CLN6: variants seen among roughly 807,000 people sequenced by gnomAD.
The protein encoded by CLN6 is CLN6 transmembrane ER protein, also known as ceroid-lipofuscinosis neuronal protein 6.
CLN6 carries 22 observed loss-of-function variants against 33.3 expected under a neutral mutation model. That is an observed-to-expected ratio of 0.66 (90% CI 0.47 to 0.94). The LOEUF (loss-of-function observed/expected upper bound fraction) is 0.94. Among genes scored for constraint, CLN6 ranks in the 40% least tolerant of loss-of-function variants. The pLI, the probability that CLN6 is intolerant of heterozygous loss-of-function variation, is 0.00. For synonymous variants in CLN6, 201 were observed against 174.6 expected, an observed-to-expected ratio of 1.15 and a Z score of -1.19; for missense variants, 387 against 417.1, an observed-to-expected ratio of 0.93 and a Z score of 0.63.
upstream of CLN6, among the ~76,000 whole-genome samples, chr15:68,232,022 T>A (rs1182053978): frequency 6.6e-6 from 1 of 152,148 alleles, no homozygotes; most frequent in Non-Finnish European, 1.5e-5. This position sits in a 1 kb window ranked among gnomAD's most constrained non-coding sequence, Gnocchi z 4.7. Context: ...TAGTCTCAGC[T>A]CTCTGAGCTG....
chr15:68,235,091 AC>A (rs1456319585), intron 1 of CLN6, among the ~76,000 whole-genome samples: 4 of 152,152 alleles, frequency 2.6e-5, no homozygotes, highest in South Asian at 4.1e-4. Context: ...TGTGTGCTAA[AC>A]CCTGATCTCA....
intron 1 of CLN6, among the ~76,000 whole-genome samples, chr15:68,224,459 T>C (rs1282203714): frequency 1.3e-5 from 2 of 150,900 alleles, no homozygotes; most frequent in African/African-American, 4.9e-5. Context: ...CCGTCTCTAC[T>C]AAAAATACAA....
Position 68,209,620 on chromosome 15 carries a change from T to A in CLN6, c.665+17A>T. On this transcript the variant is annotated intron_variant, in intron 6 of 6. Transcript: ENST00000249806. This position sits in a 1 kb window ranked among gnomAD's most constrained non-coding sequence, Gnocchi z 4.9. ...CTCAGTGCCCCTGCCTCTGCCCCCA[T>A]GCTGATGTCCACTCACCAGTAGTAC... 1 of 1,611,670 alleles carries A rather than the reference T, an allele frequency of 6.2e-7. No individual in the cohort carries two copies. The highest frequency in any genetic ancestry group is 8.5e-7 in the Non-Finnish European group (1 of 1,179,722).
chr15:68,229,949 T>C (rs2093265478), upstream of CLN6, among the ~76,000 whole-genome samples: 1 of 152,066 alleles, frequency 6.6e-6, no homozygotes, highest in Admixed American at 6.5e-5. Flanking sequence ...GGAATCTCTG[T>C]CTAGGGTGAC....
chr15:68,212,202 C>T, intron 3 of CLN6: 1 of 333,586 alleles, frequency 3.0e-6, no homozygotes, highest in South Asian at 3.3e-5. Context: ...CCCAGCCCTC[C>T]CACTGTCCCT....
In CLN6 at chr15:68,255,865, C is replaced by G. The variant is rs78803542; in HGVS notation, c.179+825G>C. 3.0e-3 allele frequency among the ~76,000 whole-genome samples: 451 copies of G among 152,282 alleles called. 4 individuals are homozygous for G. The highest frequency in any genetic ancestry group is 0.01 in the African/African-American group (435 of 41,556). ...CTGGAATGCAGTGTTGCAGTCACCA[C>G]TCACTGAAACCTCAACTTATCAGTT... On this transcript the variant is annotated intron_variant, in intron 1 of 6. Transcript: ENST00000538696.
chr15:68,229,793 G>GC (rs1567101852), upstream of CLN6: 65 of 349,842 alleles, frequency 1.9e-4, 2 homozygotes, highest in East Asian at 2.2e-3. Context: ...GCGGGGCGGA[G>GC]GGAGACGGGG....
At chr15:68,239,487 A>G (rs1892262854) in intron 1 of CLN6, among the ~76,000 whole-genome samples, 1 of 152,174 alleles carries the variant, frequency 6.6e-6, no homozygotes, top group African/African-American at 2.4e-5. Flanking sequence ...CTATATTGTC[A>G]TTTGACAAAA....
At position 68,211,659 on chromosome 15, in the gene CLN6, C is replaced by CA. The variant is rs1230644971; in HGVS notation, c.486+15dup. The CA allele has an allele frequency of 1.9e-6, 3 of 1,612,904 alleles. No individual in the cohort carries two copies. Among genetic ancestry groups the CA allele is most frequent in the Middle Eastern group, 1.6e-4 (1 of 6,062 alleles). On this transcript the variant is annotated intron_variant, in intron 4 of 6. Transcript: ENST00000249806. This position sits in a 1 kb window ranked among gnomAD's most constrained non-coding sequence, Gnocchi z 5.9. ...GCTCCTAGGGCTTACAGGCAGGGAG[C>CA]AGGAGGTGGCCTCACCAGCGTCTCC...
In CLN6 at chr15:68,256,614, C is replaced by T; in HGVS notation, c.179+76G>A. 3 of 586,362 alleles carry T rather than the reference C, an allele frequency of 5.1e-6. No individual in the cohort carries two copies. Among genetic ancestry groups the T allele is most frequent in the South Asian group, 4.3e-5 (2 of 46,890 alleles). 36.3% of individuals were successfully genotyped at this position (586,362 alleles called of 1,614,324 possible). ...GCTGGCTTCAGGGGTGTGGGCAGTG[C>T]AGTCGCACAGGGCCCCACGTTCAGA... On this transcript the variant is annotated intron_variant, in intron 1 of 6. Transcript: ENST00000538696. The surrounding 1 kb of genome is among the most constrained non-coding windows in gnomAD (Gnocchi z 4.1).
intron 1 of CLN6, among the ~76,000 whole-genome samples, chr15:68,245,584 C>CA (rs1892322620): frequency 9.7e-6 from 1 of 103,488 alleles, no homozygotes; most frequent in Admixed American, 9.5e-5. Context: ...CAAAACAAAA[C>CA]AAAAAACAAC....
In CLN6 at chr15:68,209,820, T is replaced by C. The variant is rs1284575305; in HGVS notation, c.543-61A>G. ...CAGCGGCCCTCTTCCCCACAACCTCTGCAACCACTCCCATGGGGTCTCATG... is the reference window on the plus strand; with the variant it reads ...CAGCGGCCCTCTTCCCCACAACCTCCGCAACCACTCCCATGGGGTCTCATG... On this transcript the variant is annotated intron_variant, in intron 5 of 6. Coordinates refer to ENST00000249806, the MANE Select transcript of CLN6 (RefSeq NM_017882.3). The surrounding 1 kb of genome is among the most constrained non-coding windows in gnomAD (Gnocchi z 4.9). The C allele has an allele frequency of 6.2e-7, 1 of 1,605,312 alleles. No individual in the cohort carries two copies. Among genetic ancestry groups the C allele is most frequent in the African/African-American group, 1.3e-5 (1 of 74,702 alleles).
At position 68,214,309 on chromosome 15, in the gene CLN6, G is replaced by A. The variant is rs150001589; in HGVS notation, c.278C>T (p.Thr93Met). 3.3e-5 allele frequency: 54 copies of A among 1,613,488 alleles called. No individual in the cohort carries two copies. Among genetic ancestry groups the A allele is most frequent in the Non-Finnish European group, 4.4e-5 (52 of 1,179,502 alleles). ...DYFHMAYNVI[T>M]PFLLLKLIER... The stretch of plus-strand genomic sequence containing the variant: ...CAGTACCTTGAGCAAGAGAAAGGGC[G>A]TGATGACGTTGTAGGCCATGTGGAA... The change falls in exon 3 of 7, where the codon ACG becomes ATG. Residue 93 changes from threonine (T) to methionine (M), a missense_variant. Transcript: ENST00000249806.
At chr15:68,233,161 C>CCCCTTGTCCTCACTT (rs1567102790), upstream of CLN6, among the ~76,000 whole-genome samples, 1 of 152,016 alleles carries the variant, frequency 6.6e-6, no homozygotes, top group Non-Finnish European at 1.5e-5. The surrounding 1 kb of genome is among the most constrained non-coding windows in gnomAD (Gnocchi z 4.3). Context: ...CTGTCTCACT[C>CCCCTTGTCCTCACTT]CCCCTTGTCC....
intron 1 of CLN6, among the ~76,000 whole-genome samples, chr15:68,248,680 C>G (rs1892349957): frequency 6.6e-6 from 1 of 151,346 alleles, no homozygotes; most frequent in South Asian, 2.1e-4. Context: ...AATCTAAGAC[C>G]TAAAACTACG....
At chr15:68,229,372 G>T in intron 1 of CLN6, 130 bp downstream of exon 1, 1 of 624,720 alleles carries the variant, frequency 1.6e-6, no homozygotes, top group Non-Finnish European at 2.4e-6. Context: ...AGCCCCCCGC[G>T]CTCCGCTCCG....
intron 2 of CLN6, among the ~76,000 whole-genome samples, chr15:68,217,421 G>A (rs2093223527): frequency 6.6e-6 from 1 of 152,000 alleles, no homozygotes; most frequent in African/African-American, 2.4e-5. Flanking sequence ...ATAGAGACAG[G>A]GTCTCATTAT....
chr15:68,225,032 G>A (rs2093248096), intron 1 of CLN6, among the ~76,000 whole-genome samples: 1 of 152,016 alleles, frequency 6.6e-6, no homozygotes, highest in Middle Eastern at 3.4e-3. Context: ...AAAAGGAAGG[G>A]GTTTCATCCT....
chr15:68,208,094 G>GGGCCCCCC lies in CLN6; in HGVS notation c.*45_*46insGGGGGGCC. ...CTCCTGTATTCAGATGCCCTCCATG[G>GGGCCCCCC]CCCACCCTCCCACCCAGCAGAGCGC... On this transcript the variant is annotated 3_prime_UTR_variant, in exon 7 of 7. Transcript: ENST00000249806. This position sits in a 1 kb window ranked among gnomAD's most constrained non-coding sequence, Gnocchi z 5.8. 1.2e-4 allele frequency: 166 copies of GGGCCCCCC among 1,375,212 alleles called. No homozygotes were observed. Among genetic ancestry groups the GGGCCCCCC allele is most frequent in the Non-Finnish European group, 1.6e-4 (159 of 991,974 alleles). The allele number at this position is 1,375,212 out of a possible 1,614,324, so 85.2% of individuals were successfully genotyped here.
Sources: allele counts gnomAD v4.1 joint callset (sites outside exome capture counted in the v4.1 genomes callset), GRCh38; gene constraint gnomAD v4.1.1; non-coding constraint Gnocchi (gnomAD v3.1); transcripts MANE v1.5; gene names NCBI Gene and HGNC (gene_info 2026-07-23, HGNC 2026-07-21).